ZNF516: variants seen among roughly 807,000 people sequenced by gnomAD.
ZNF516 encodes zinc finger protein 516.
ZNF516 carries 19 observed loss-of-function variants against 79.7 expected under a neutral mutation model. The observed-to-expected ratio is 0.24, with a 90% confidence interval of 0.17 to 0.35. The LOEUF is 0.35. Ranked by LOEUF, ZNF516 falls within the 10% of genes least tolerant of loss-of-function variation. The pLI is 1.00. For missense variants in ZNF516, 1,678 were observed against 1,679.5 expected (o/e 1.00, Z 0.02); for synonymous variants, 877 against 739.5 (o/e 1.19, Z -3.02).
At chr18:76,469,419 C>T (rs1022922432) in intron 1 of ZNF516, among the ~76,000 whole-genome samples, 1 of 152,062 alleles carries the variant, frequency 6.6e-6, no homozygotes, top group African/African-American at 2.4e-5. Context: ...TAAAAGAAGG[C>T]ACTCATGATT....
At chr18:76,400,624 G>C (rs1294909879) in intron 3 of ZNF516, among the ~76,000 whole-genome samples, 2 of 152,182 alleles carry the variant, frequency 1.3e-5, no homozygotes, top group African/African-American at 4.8e-5. Flanking sequence ...AAACTACGTA[G>C]GCACGGCCTG....
intron 3 of ZNF516, among the ~76,000 whole-genome samples, chr18:76,436,147 G>A (rs961458582): frequency 3.3e-5 from 5 of 152,236 alleles, no homozygotes; most frequent in African/African-American, 1.2e-4. Flanking sequence ...TGGATACTAA[G>A]GGGGGCTGGC....
upstream of ZNF516, chr18:76,496,325 G>A (rs1449803092): frequency 1.6e-6 from 2 of 1,289,674 alleles, no homozygotes; most frequent in Non-Finnish European, 1.0e-6. Context: ...ACTCCGCAGT[G>A]GAGGTGGATT....
chr18:76,494,757 G>A (rs536532193), intron 1 of ZNF516, among the ~76,000 whole-genome samples: 1 of 151,754 alleles, frequency 6.6e-6, no homozygotes, highest in South Asian at 2.1e-4. Flanking sequence ...TCTCCTAATG[G>A]ATGGAGAGCG....
intron 6 of ZNF516, among the ~76,000 whole-genome samples, chr18:76,364,047 C>A (rs1238133947): frequency 6.6e-6 from 1 of 152,184 alleles, no homozygotes; most frequent in African/African-American, 2.4e-5. Flanking sequence ...ATGGACTGTT[C>A]CAGAGGCAAC....
In ZNF516 at chr18:76,442,068, G is replaced by T. The variant is rs765748077; in HGVS notation, c.987C>A (p.Ala329=). The T allele has an allele frequency of 5.6e-6, 9 of 1,614,004 alleles. No individual in the cohort carries two copies. The highest frequency in any genetic ancestry group is 3.3e-4 in the Middle Eastern group (2 of 6,062). ...NNVVQEEVIV[A]GLSLYEVCAK... Reference sequence around the variant, plus strand: ...CGCAGACCTCGTAGAGGCTCAGGCCGGCGACGATCACCTCCTCCTGGACCA... The same window carrying T: ...CGCAGACCTCGTAGAGGCTCAGGCCTGCGACGATCACCTCCTCCTGGACCA... Residue 329 remains alanine (A), a synonymous_variant, in exon 3 of 7, where the codon GCC becomes GCA. Coordinates refer to ENST00000443185, the MANE Select transcript of ZNF516 (RefSeq NM_014643.4).
chr18:76,428,158 G>A (rs189614989), intron 3 of ZNF516, among the ~76,000 whole-genome samples: 23 of 152,238 alleles, frequency 1.5e-4, no homozygotes, highest in South Asian at 1.2e-3. Flanking sequence ...AGGCCAAGGC[G>A]GGGGATCACC....
chr18:76,489,849 A>G (rs970330032), intron 1 of ZNF516, among the ~76,000 whole-genome samples: 1 of 152,234 alleles, frequency 6.6e-6, no homozygotes, highest in Non-Finnish European at 1.5e-5. Context: ...AAAAATAGGC[A>G]TAACTCCCAT....
Position 76,441,548 on chromosome 18 carries a change from G to C in ZNF516, c.1507C>G (p.Arg503Gly). ...TGGCCGGTGGTGGCTGCGGCCCTGC[G>C]GTTGGGGCGCGCGGCCGAGCGGGGA... Reference protein sequence around the residue: ...LDPRSAARPNRRAAATTGQGK... With the variant: ...LDPRSAARPNGRAAATTGQGK... Residue 503 changes from arginine to glycine, a missense_variant, in exon 3 of 7, where the codon CGC (arginine) becomes GGC (glycine). Coordinates refer to ENST00000443185, the MANE Select transcript of ZNF516 (RefSeq NM_014643.4). 6.5e-7 allele frequency: 1 copy of C among 1,548,634 alleles called. No individual in the cohort carries two copies. The highest frequency in any genetic ancestry group is 8.7e-7 in the Non-Finnish European group (1 of 1,150,624).
chr18:76,384,522 C>A (rs1169539558), intron 3 of ZNF516, among the ~76,000 whole-genome samples: 1 of 143,266 alleles, frequency 7.0e-6, no homozygotes, highest in Admixed American at 6.9e-5. Flanking sequence ...TTCTCACGCC[C>A]CCTCCACGAA....
intron 3 of ZNF516, among the ~76,000 whole-genome samples, chr18:76,431,981 A>C (rs1353576722): frequency 6.6e-6 from 1 of 152,214 alleles, no homozygotes; most frequent in Non-Finnish European, 1.5e-5. Flanking sequence ...CCCTGGCGGG[A>C]ACAGGACAGG....
At chr18:76,405,998 C>A (rs766784953) in intron 3 of ZNF516, among the ~76,000 whole-genome samples, 9 of 152,146 alleles carry the variant, frequency 5.9e-5, no homozygotes, top group Admixed American at 1.3e-4. Flanking sequence ...GGCCCTCACA[C>A]CAACATCCAC....
intron 3 of ZNF516, among the ~76,000 whole-genome samples, chr18:76,422,907 T>C (rs1892227221): frequency 6.6e-6 from 1 of 152,114 alleles, no homozygotes; most frequent in African/African-American, 2.4e-5. Flanking sequence ...GCAAAGATAA[T>C]TTATTTCTGT....
intron 3 of ZNF516, chr18:76,386,807 C>G (rs2074999364): frequency 6.6e-6 from 1 of 152,256 alleles, no homozygotes; most frequent in Admixed American, 6.5e-5. Flanking sequence ...ACAATTTTAC[C>G]CACACATGTC....
At chr18:76,374,677 C>T (rs771596760) in intron 4 of ZNF516, among the ~76,000 whole-genome samples, 2 of 152,196 alleles carry the variant, frequency 1.3e-5, no homozygotes, top group African/African-American at 2.4e-5. Context: ...TGCATGTACA[C>T]GTGAGATGAC....
intron 1 of ZNF516, among the ~76,000 whole-genome samples, chr18:76,463,435 C>T (rs1295274457): frequency 6.6e-6 from 1 of 152,230 alleles, no homozygotes; most frequent in Non-Finnish European, 1.5e-5. Flanking sequence ...ACTGTAGCAG[C>T]GGAACAATCT....
intron 2 of ZNF516, among the ~76,000 whole-genome samples, chr18:76,446,893 A>T (rs1469516656): frequency 2.0e-5 from 3 of 152,166 alleles, no homozygotes; most frequent in Admixed American, 2.0e-4. Flanking sequence ...TAAATGTAGA[A>T]ATAGAAAAAG....
intron 3 of ZNF516, among the ~76,000 whole-genome samples, chr18:76,424,481 A>C (rs1409840460): frequency 2.6e-4 from 31 of 119,720 alleles, no homozygotes; most frequent in South Asian, 5.9e-4. Flanking sequence ...AAAGGTTCCC[A>C]CATGAAACAC....
chr18:76,442,994 CGGCCCTGGT>C lies in ZNF516; in HGVS notation c.52_60del (p.Thr18_Ala20del), dbSNP rs1568298754. On this transcript the variant is annotated inframe_deletion, in exon 3 of 7. Transcript: ENST00000443185. Reference sequence around the variant, plus strand: ...TCCCCATCCACCTCGTGGCCCCGGCCGGCCCTGGTGGGGCTGGGGCCTCGCCTCAGCTCC... The same window carrying C: ...TCCCCATCCACCTCGTGGCCCCGGCCGGGGCTGGGGCCTCGCCTCAGCTCC... 2 of 1,603,232 alleles carry C rather than the reference CGGCCCTGGT, an allele frequency of 1.2e-6. No individual in the cohort carries two copies. Among genetic ancestry groups the C allele is most frequent in the Admixed American group, 1.7e-5 (1 of 59,920 alleles).
Sources: gnomAD v4.1 joint callset for allele counts (sites outside exome capture counted in the v4.1 genomes callset) on GRCh38, gnomAD v4.1.1 for gene constraint, MANE v1.5 for transcripts, NCBI Gene and HGNC (gene_info 2026-07-23, HGNC 2026-07-21) for gene names.